Variants in ARMH4 observed in about 807,000 individuals in gnomAD.
The protein encoded by ARMH4 is armadillo-like helical domain-containing protein 4.
ARMH4 carries 49 observed loss-of-function variants against 61.9 expected under a neutral mutation model. The ratio of observed to expected loss-of-function variants is 0.79; its 90% confidence interval spans 0.63 to 1.00. The LOEUF is 1.00. Among genes scored for constraint, ARMH4 ranks in the 50% least tolerant of loss-of-function variants. The pLI is 0.00. For missense variants in ARMH4, 934 were observed against 930.0 expected, an observed-to-expected ratio of 1.00 and a Z score of -0.06; for synonymous variants, 368 against 341.5, an observed-to-expected ratio of 1.08 and a Z score of -0.85.
intron 5 of ARMH4, among the ~76,000 whole-genome samples, chr14:58,060,169 C>T (rs1341529573): frequency 6.6e-6 from 1 of 152,146 alleles, no homozygotes; most frequent in Admixed American, 6.6e-5. Context: ...TTCTACTTTT[C>T]CTGAGCTCCA....
At chr14:58,095,949 G>A (rs1714617924) in intron 5 of ARMH4, among the ~76,000 whole-genome samples, 1 of 152,138 alleles carries the variant, frequency 6.6e-6, no homozygotes, top group Non-Finnish European at 1.5e-5. Context: ...TCAGGTCAAG[G>A]GAATAGGGCC....
chr14:58,017,227 T>C (rs1251344774), intron 5 of ARMH4, among the ~76,000 whole-genome samples: 2 of 152,098 alleles, frequency 1.3e-5, no homozygotes, highest in East Asian at 3.9e-4. Flanking sequence ...GGTGAGAGGA[T>C]TGCTTGAGCC....
At chr14:58,048,287 AACTT>A (rs1236885428) in intron 5 of ARMH4, among the ~76,000 whole-genome samples, 11 of 152,366 alleles carry the variant, frequency 7.2e-5, no homozygotes, top group Middle Eastern at 3.4e-3. Flanking sequence ...GATCTTTACT[AACTT>A]ACTTCTTTTA....
In ARMH4 at chr14:58,052,727, G is replaced by A. The variant is rs139110298; in HGVS notation, c.2090-40577C>T. The stretch of plus-strand genomic sequence containing the variant: ...ACCTCGCACCCTAGACATCATCACC[G>A]ACTCCCATGGCATCGTTACCATCCA... On this transcript the variant is annotated intron_variant, in intron 5 of 7. Coordinates refer to ENST00000267485, the MANE Select transcript of ARMH4 (RefSeq NM_001001872.4). Among the ~76,000 whole-genome samples, 1,073 of 152,144 alleles carry A rather than the reference G, an allele frequency of 7.1e-3. 11 individuals are homozygous for A. Among genetic ancestry groups the A allele is most frequent in the African/African-American group, 0.023 (957 of 41,508 alleles).
intron 5 of ARMH4, among the ~76,000 whole-genome samples, chr14:58,090,879 C>CAA (rs561257563): frequency 0.015 from 919 of 59,292 alleles, 8 homozygotes; most frequent in South Asian, 0.078. Flanking sequence ...GACCCTGTCT[C>CAA]AAAAAAAAAA....
chr14:58,075,367 A>G (rs1187866913), intron 5 of ARMH4, among the ~76,000 whole-genome samples: 5 of 152,226 alleles, frequency 3.3e-5, no homozygotes, highest in South Asian at 4.1e-4. Context: ...ATGCCCATCA[A>G]TGATAGACTG....
chr14:58,021,721 G>A lies in ARMH4; in HGVS notation c.2090-9571C>T, dbSNP rs1882837147. Among the ~76,000 whole-genome samples, 4 of 152,200 alleles carry A rather than the reference G, an allele frequency of 2.6e-5. No homozygotes were observed. In the South Asian group the frequency reaches 8.3e-4, roughly 32 times the overall value. On this transcript the variant is annotated intron_variant, in intron 5 of 7. Transcript: ENST00000267485. ...AGACCAGCCAGAGGAGAAAGGGCCA[G>A]GAGAAGAGACAGGTAGGGAATGGTC...
rs1007754014 is a variant in ARMH4, at chr14:58,005,137, C to A, written c.2167G>T (p.Ala723Ser). The change falls in exon 7 of 8, where the codon GCT (alanine) becomes TCT (serine). Residue 723 changes from alanine (A) to serine (S), a missense_variant. Ala to Ser is a moderately conservative substitution (Grantham distance 99). Coordinates refer to ENST00000267485, the MANE Select transcript of ARMH4 (RefSeq NM_001001872.4). ...GCTCCCAAGATGAACAAGGCTCCAG[C>A]TATCCCAACCCCTACAGGCACCAGC... Reference protein sequence around the residue: ...GMLVPVGVGIAGALFILGALY... With the variant: ...GMLVPVGVGISGALFILGALY... 58 of 1,613,888 alleles carry A rather than the reference C, an allele frequency of 3.6e-5. No individual in the cohort carries two copies. The highest frequency in any genetic ancestry group is 4.7e-5 in the Non-Finnish European group (55 of 1,179,964).
intron 5 of ARMH4, among the ~76,000 whole-genome samples, chr14:58,086,500 C>T (rs1370609465): frequency 1.3e-5 from 2 of 152,114 alleles, no homozygotes; most frequent in African/African-American, 2.4e-5. Context: ...ACAGAAAACC[C>T]TCAGTACCTG....
In ARMH4 at chr14:58,108,134, G is replaced by A. The variant is rs72716910; in HGVS notation, c.1832-11153C>T. On this transcript the variant is annotated intron_variant, in intron 4 of 7. Coordinates refer to ENST00000267485, the MANE Select transcript of ARMH4 (RefSeq NM_001001872.4). ...TAAATTCGTCTTGAGGATGTGCAGC[G>A]ACTCTCCAGCAGATGGCTCTCCAGG... Among the ~76,000 whole-genome samples, 846 of 152,218 alleles carry A rather than the reference G, an allele frequency of 5.6e-3. 6 individuals are homozygous for A. The highest frequency in any genetic ancestry group is 0.051 in the Middle Eastern group (15 of 294).
chr14:58,030,108 G>A (rs1304491360), intron 5 of ARMH4, among the ~76,000 whole-genome samples: 2 of 152,198 alleles, frequency 1.3e-5, no homozygotes, highest in African/African-American at 2.4e-5. Context: ...GACACTAAGG[G>A]AATGTGCTAA....
chr14:58,119,235 T>C (rs1162654253), intron 4 of ARMH4, among the ~76,000 whole-genome samples: 1 of 152,226 alleles, frequency 6.6e-6, no homozygotes, highest in African/African-American at 2.4e-5. Context: ...TACACATTCA[T>C]TTAAATGCTA....
intron 5 of ARMH4, among the ~76,000 whole-genome samples, chr14:58,048,334 G>A (rs1327418721): frequency 1.3e-5 from 2 of 152,200 alleles, no homozygotes; most frequent in African/African-American, 4.8e-5. Flanking sequence ...AGCTACATCT[G>A]GTTGCTATGG....
intron 1 of ARMH4, 114 bp from the exon 2 acceptor site, chr14:58,139,528 G>A: frequency 1.6e-6 from 1 of 644,502 alleles, no homozygotes; most frequent in East Asian, 2.7e-5. Context: ...CACAGAGATG[G>A]TAGGTAGGAG....
chr14:58,124,522 T>C (rs1342474274), intron 4 of ARMH4, among the ~76,000 whole-genome samples: 2 of 152,226 alleles, frequency 1.3e-5, no homozygotes, highest in East Asian at 3.8e-4. Context: ...TACTGACTGC[T>C]AAAGGAGACT....
At chr14:58,145,838 C>T (rs1225145054) in intron 1 of ARMH4, among the ~76,000 whole-genome samples, 1 of 152,100 alleles carries the variant, frequency 6.6e-6, no homozygotes, top group Non-Finnish European at 1.5e-5. Flanking sequence ...AACAACTATA[C>T]GTTAAAAGGA....
intron 4 of ARMH4, among the ~76,000 whole-genome samples, chr14:58,119,289 G>A (rs1406526514): frequency 1.3e-5 from 2 of 152,162 alleles, no homozygotes; most frequent in East Asian, 3.8e-4. Context: ...TATGAATACA[G>A]CTTGATAAAG....
intron 5 of ARMH4, among the ~76,000 whole-genome samples, chr14:58,031,143 A>G (rs564439855): frequency 5.1e-4 from 77 of 152,374 alleles, no homozygotes; most frequent in African/African-American, 1.8e-3. Flanking sequence ...AATTAAAATG[A>G]AGACTGCAGT....
intron 6 of ARMH4, among the ~76,000 whole-genome samples, chr14:58,005,720 G>A (rs1772593977): frequency 6.6e-6 from 1 of 152,168 alleles, no homozygotes; most frequent in Admixed American, 6.5e-5. Flanking sequence ...ATGCTTGTGG[G>A]TAAAAGGGGA....
Sources: allele counts gnomAD v4.1 joint callset (sites outside exome capture counted in the v4.1 genomes callset), GRCh38; gene constraint gnomAD v4.1.1; transcripts MANE v1.5; gene names NCBI Gene and HGNC (gene_info 2026-07-23, HGNC 2026-07-21).